The following NT5DC3 variants were observed in gnomAD, a reference collection of about 807,000 sequenced individuals.
NT5DC3 encodes the protein 5'-nucleotidase domain containing 3.
A neutral mutation model predicts 67.8 loss-of-function variants in NT5DC3; 42 were observed. The ratio of observed to expected loss-of-function variants is 0.62; its 90% CI spans 0.48 to 0.80. The LOEUF is 0.80. Ranked by LOEUF, NT5DC3 falls within the 30% of genes least tolerant of loss-of-function variation. The pLI is 0.00. For synonymous variants in NT5DC3, 237 were observed against 255.6 expected (o/e 0.93, Z 0.69); for missense variants, 570 against 696.4 (o/e 0.82, Z 2.04).
chr12:103,788,813 A>G (rs771610292), intron 10 of NT5DC3, 25 bp downstream of exon 10: 2 of 1,513,406 alleles, frequency 1.3e-6, no homozygotes, highest in Non-Finnish European at 1.8e-6. Context: ...AAAGCAACAA[A>G]AAGGATCAGC....
the NT5DC3 span, chr12:103,763,803 G>A: frequency 5.8e-6 from 3 of 513,886 alleles, no homozygotes; most frequent in Non-Finnish European, 6.9e-6. Flanking sequence ...GGTTCTCTTG[G>A]GTAGACAGCA....
intron 1 of NT5DC3, among the ~76,000 whole-genome samples, chr12:103,835,460 T>C (rs1445035668): frequency 1.3e-5 from 2 of 152,124 alleles, no homozygotes. Flanking sequence ...TTTAGTGCAG[T>C]GGCCTCATTT....
chr12:103,749,073 C>G, the NT5DC3 span: 1 of 1,614,160 alleles, frequency 6.2e-7, no homozygotes, highest in Non-Finnish European at 8.5e-7. Flanking sequence ...AGGGGACGGG[C>G]ACAGCTGCAC....
intron 11 of NT5DC3, chr12:103,785,788 A>G (rs1454669765): frequency 2.1e-6 from 1 of 479,190 alleles, no homozygotes; most frequent in Non-Finnish European, 3.9e-6. Context: ...AAATGAGGTC[A>G]GGGGCAGAAA....
chr12:103,795,664 A>G (rs1197789795), intron 6 of NT5DC3, among the ~76,000 whole-genome samples: 1 of 152,022 alleles, frequency 6.6e-6, no homozygotes, highest in Non-Finnish European at 1.5e-5. Flanking sequence ...ATCTTTAAAA[A>G]ATATATTTAA....
intron 1 of NT5DC3, among the ~76,000 whole-genome samples, chr12:103,818,857 T>C (rs1047932956): frequency 6.6e-6 from 1 of 152,170 alleles, no homozygotes; most frequent in African/African-American, 2.4e-5. Context: ...CAATGGGCCA[T>C]TGCTGATGAT....
At chr12:103,753,425 G>T in the NT5DC3 span, 76 of 1,604,622 alleles carry the variant, frequency 4.7e-5, no homozygotes, top group Non-Finnish European at 6.4e-5. Flanking sequence ...TTCTTAAGAT[G>T]GGGAAGACTT....
chr12:103,782,514 T>G (rs12425283), intron 12 of NT5DC3, among the ~76,000 whole-genome samples: 1 of 152,022 alleles, frequency 6.6e-6, no homozygotes. Flanking sequence ...AGTGCAGAGG[T>G]GGGTAGCTGC....
At chr12:103,791,834 G>A (rs907506724) in intron 9 of NT5DC3, among the ~76,000 whole-genome samples, 3 of 152,228 alleles carry the variant, frequency 2.0e-5, no homozygotes, top group African/African-American at 7.2e-5. Context: ...AGGGATCTAA[G>A]TTGTGTGCTC....
the NT5DC3 span, among the ~76,000 whole-genome samples, chr12:103,760,703 G>A: frequency 1.3e-5 from 2 of 152,212 alleles, no homozygotes; most frequent in African/African-American, 4.8e-5. Context: ...GACATGCAGA[G>A]AGTAGTGCCT....
In NT5DC3 at chr12:103,773,581, C is replaced by T. The variant is rs1885244909; in HGVS notation, c.*4248G>A. Reference sequence around the variant, plus strand: ...AGAAAAACCTGGTACAAAAGAAAGTCGATATTAAGAAGGCAAAATGTAGGT... The same window carrying T: ...AGAAAAACCTGGTACAAAAGAAAGTTGATATTAAGAAGGCAAAATGTAGGT... On this transcript the variant is annotated 3_prime_UTR_variant, in exon 14 of 14. Coordinates refer to ENST00000392876, the MANE Select transcript of NT5DC3 (RefSeq NM_001031701.3). 6.6e-6 allele frequency: 1 copy of T among 152,116 alleles called. No homozygotes were observed. The highest frequency in any genetic ancestry group is 1.5e-5 in the Non-Finnish European group (1 of 68,046). 9.4% of individuals were successfully genotyped at this position (152,116 alleles called of 1,614,324 possible).
At chr12:103,750,464 G>A in the NT5DC3 span, 9 of 1,356,198 alleles carry the variant, frequency 6.6e-6, no homozygotes, top group South Asian at 2.7e-5. Flanking sequence ...GGAAAGGCAC[G>A]TTCTCTTGGT....
At chr12:103,767,706 T>TGAC, downstream of NT5DC3, among the ~76,000 whole-genome samples, 1 of 151,982 alleles carries the variant, frequency 6.6e-6, no homozygotes, top group Admixed American at 6.5e-5. Context: ...GCAAGAGTGA[T>TGAC]TGATTTGCAC....
chr12:103,839,989 C>T (rs979452635), intron 1 of NT5DC3, among the ~76,000 whole-genome samples: 2 of 152,118 alleles, frequency 1.3e-5, no homozygotes, highest in East Asian at 3.9e-4. Context: ...GTTCTGAATC[C>T]TCCTTGGAAG....
chr12:103,758,690 G>A, the NT5DC3 span, among the ~76,000 whole-genome samples: 1 of 152,234 alleles, frequency 6.6e-6, no homozygotes, highest in African/African-American at 2.4e-5. Context: ...GGGGGGCAAA[G>A]GGCCAGGGGT....
At position 103,840,955 on chromosome 12, in the gene NT5DC3, T is replaced by A; in HGVS notation, c.202A>T (p.Thr68Ser). Residue 68 changes from threonine to serine, a missense_variant, in exon 1 of 14, where the codon ACA becomes TCA. By Grantham distance (58) the Thr-to-Ser change is moderately conservative (BLOSUM62 1). Around this residue, in one of 2 missense-constraint regions of NT5DC3, gnomAD observed 466 missense variants for 608.0 expected, o/e 0.77. Coordinates refer to ENST00000392876, the MANE Select transcript of NT5DC3 (RefSeq NM_001031701.3). ...GGGTCGCCGCCTCACTCACCTTCTG[T>A]GCTTCTCTTCGCCTCCCGGTAGCGC... ...WERYREAKRS[T>S]EELVPSIMSN... 1 of 1,354,822 alleles carries A rather than the reference T, an allele frequency of 7.4e-7. No homozygotes were observed. Among genetic ancestry groups the A allele is most frequent in the Non-Finnish European group, 9.5e-7 (1 of 1,047,554 alleles). The allele number at this position is 1,354,822 out of a possible 1,614,324, so 83.9% of individuals were successfully genotyped here.
intron 4 of NT5DC3, among the ~76,000 whole-genome samples, chr12:103,802,644 G>A (rs1413456101): frequency 6.6e-6 from 1 of 152,186 alleles, no homozygotes; most frequent in African/African-American, 2.4e-5. Context: ...CCAAGCCAGA[G>A]AGGAAGGCCA....
intron 1 of NT5DC3, among the ~76,000 whole-genome samples, chr12:103,826,406 G>A (rs779530985): frequency 6.6e-6 from 1 of 152,198 alleles, no homozygotes; most frequent in Non-Finnish European, 1.5e-5. Flanking sequence ...TAATCACAAG[G>A]GTCCTTAAGT....
At chr12:103,779,203 G>C (rs1318551946) in intron 13 of NT5DC3, among the ~76,000 whole-genome samples, 1 of 152,102 alleles carries the variant, frequency 6.6e-6, no homozygotes, top group Admixed American at 6.5e-5. Context: ...CCTCGGAAGT[G>C]AGGCTGTTCA....
Sources: allele counts gnomAD v4.1 joint callset (sites outside exome capture counted in the v4.1 genomes callset), GRCh38; gene constraint gnomAD v4.1.1; regional missense constraint gnomAD v4.1.1; transcripts MANE v1.5; gene names NCBI Gene and HGNC (gene_info 2026-07-23, HGNC 2026-07-21).